Variants in PLEKHB2 observed in about 807,000 individuals in gnomAD.
PLEKHB2 encodes pleckstrin homology domain-containing family B member 2.
PLEKHB2 carries 31 observed loss-of-function variants against 36.5 expected under a neutral mutation model. The ratio of observed to expected loss-of-function variants is 0.85; its 90% CI spans 0.64 to 1.15. The LOEUF is 1.15. PLEKHB2 is among the 50% of genes most tolerant of loss of function. The pLI, the probability that PLEKHB2 is intolerant of heterozygous loss-of-function variation, is 0.00. For missense variants in PLEKHB2, 262 were observed against 295.3 expected, an observed-to-expected ratio of 0.89 and a Z score of 0.83; for synonymous variants, 119 against 112.0, an observed-to-expected ratio of 1.06 and a Z score of -0.39.
intron 7 of PLEKHB2, among the ~76,000 whole-genome samples, chr2:131,142,562 GTTTC>G (rs1698898732): frequency 6.8e-6 from 1 of 146,160 alleles, no homozygotes; most frequent in Non-Finnish European, 1.5e-5. Context: ...ATTAGAATAT[GTTTC>G]TTTTTTTTTC....
chr2:131,133,984 C>T (rs899432998), intron 6 of PLEKHB2, among the ~76,000 whole-genome samples: 14 of 150,302 alleles, frequency 9.3e-5, no homozygotes, highest in Admixed American at 2.7e-4. Context: ...ACTAAAAGCT[C>T]CGCCTCCTGG....
chr2:131,135,163 C>T (rs1698112357), intron 6 of PLEKHB2, among the ~76,000 whole-genome samples: 4 of 152,086 alleles, frequency 2.6e-5, no homozygotes. Flanking sequence ...CCTCCGCCTC[C>T]TGGGTTCAAG....
At chr2:131,145,026 T>A (rs955843863) in intron 7 of PLEKHB2, among the ~76,000 whole-genome samples, 7 of 152,242 alleles carry the variant, frequency 4.6e-5, no homozygotes, top group African/African-American at 1.7e-4. Flanking sequence ...AGATTTACGA[T>A]GGTTTCATTG....
In PLEKHB2 at chr2:131,146,862, T is replaced by C; in HGVS notation, c.*89T>C. 8.8e-7 allele frequency: 1 copy of C among 1,141,414 alleles called. No homozygotes were observed. The highest frequency in any genetic ancestry group is 1.2e-6 in the Non-Finnish European group (1 of 804,882). The allele number at this position is 1,141,414 out of a possible 1,614,324, so 70.7% of individuals were successfully genotyped here. The stretch of plus-strand genomic sequence containing the variant: ...GGCATTTCTGTTTGTGACAAAAGTT[T>C]TTAATAATAGTTTTAATCATTCCTT... On this transcript the variant is annotated 3_prime_UTR_variant, in exon 8 of 8. Coordinates refer to ENST00000693505, the MANE Select transcript of PLEKHB2 (RefSeq NM_001100623.2).
chr2:131,118,647 C>T (rs769971256), intron 1 of PLEKHB2, among the ~76,000 whole-genome samples: 1 of 151,544 alleles, frequency 6.6e-6, no homozygotes, highest in Non-Finnish European at 1.5e-5. Context: ...GGGCATATCA[C>T]GAGGTCAGGA....
intron 4 of PLEKHB2, among the ~76,000 whole-genome samples, chr2:131,129,654 G>A (rs1168246735): frequency 1.3e-5 from 1 of 79,012 alleles, no homozygotes; most frequent in Non-Finnish European, 3.5e-5. Context: ...ACAGGCATGT[G>A]CCACCACGCC....
At chr2:131,123,777 C>CT (rs1696796785) in intron 2 of PLEKHB2, among the ~76,000 whole-genome samples, 6 of 22,438 alleles carry the variant, frequency 2.7e-4, no homozygotes, top group African/African-American at 5.2e-4. Context: ...CCCCCCCCAC[C>CT]CCCCCCCCCG....
At position 131,110,549 on chromosome 2, in the gene PLEKHB2, AT is replaced by A. The variant is rs1409237152; in HGVS notation, c.-9+5158del. Among the ~76,000 whole-genome samples the A allele has an allele frequency of 4.6e-5, 7 of 151,906 alleles. No homozygotes were observed. In the South Asian group the frequency reaches 8.3e-4, roughly 18 times the overall value. On this transcript the variant is annotated intron_variant, in intron 1 of 7. Coordinates refer to ENST00000693505, the MANE Select transcript of PLEKHB2 (RefSeq NM_001100623.2). ...CACCACTATGTGCAGCTAACTTCTT[AT>A]TTTTTTGTTGAGAATGTCTCACTGT...
intron 1 of PLEKHB2, among the ~76,000 whole-genome samples, chr2:131,119,911 T>C (rs560948543): frequency 1.3e-5 from 2 of 152,280 alleles, no homozygotes; most frequent in Non-Finnish European, 2.9e-5. Flanking sequence ...TGTGTGAACT[T>C]TGTAAGTGAA....
intron 4 of PLEKHB2, among the ~76,000 whole-genome samples, chr2:131,130,411 A>G (rs35904592): frequency 0.019 from 2,874 of 152,326 alleles, 45 homozygotes; most frequent in Non-Finnish European, 0.033. Context: ...GGAATATTAT[A>G]TAGCTGGTAA....
intron 6 of PLEKHB2, among the ~76,000 whole-genome samples, chr2:131,137,157 C>T (rs998596910): frequency 6.6e-6 from 1 of 152,114 alleles, no homozygotes; most frequent in South Asian, 2.1e-4. Flanking sequence ...CTGTGTTAGC[C>T]AGGACGGTCT....
intron 1 of PLEKHB2, chr2:131,107,395 A>T (rs1403170860): frequency 6.6e-6 from 1 of 152,224 alleles, no homozygotes; most frequent in South Asian, 2.1e-4. Flanking sequence ...GAAATGGCCA[A>T]TGCCACGTGG....
chr2:131,133,042 C>A, intron 6 of PLEKHB2, 51 bp downstream of exon 6: 1 of 1,170,570 alleles, frequency 8.5e-7, no homozygotes, highest in Non-Finnish European at 1.3e-6. Flanking sequence ...GTCTCTGCTG[C>A]TGTCCTGCTT....
rs545081772 is a variant in PLEKHB2, at chr2:131,132,455, A to C, written c.334-447A>C. Among the ~76,000 whole-genome samples the C allele has an allele frequency of 3.5e-4, 54 of 152,208 alleles. 2 individuals carry two copies. The South Asian group carries it at 0.011, about 32-fold the overall frequency. Reference sequence around the variant, plus strand: ...CTGAGTAGCTGGGGCCATAAGCACCATGCCCAGTTAATTTCTTGTTTTTTG... The same window carrying C: ...CTGAGTAGCTGGGGCCATAAGCACCCTGCCCAGTTAATTTCTTGTTTTTTG... On this transcript the variant is annotated intron_variant, in intron 5 of 7. Transcript: ENST00000693505.
chr2:131,109,983 C>T (rs568817148), intron 1 of PLEKHB2, among the ~76,000 whole-genome samples: 7 of 150,470 alleles, frequency 4.7e-5, no homozygotes, highest in Admixed American at 1.3e-4. Flanking sequence ...GGTGTGGTGG[C>T]GGTTGCCTGT....
rs1699360610 is a variant in PLEKHB2, at chr2:131,147,176, GT to G, written c.*406del. The G allele has an allele frequency of 6.5e-6, 1 of 153,496 alleles. No individual in the cohort carries two copies. Among genetic ancestry groups the G allele is most frequent in the African/African-American group, 2.4e-5 (1 of 41,526 alleles). The allele number at this position is 153,496 out of a possible 1,614,324, so 9.5% of individuals were successfully genotyped here. ...GCAAGAAAAGCTACAGCTTCTTTGCGTTTAACTTTTTCAAACCACAGACCAG... is the reference window on the plus strand; with the variant it reads ...GCAAGAAAAGCTACAGCTTCTTTGCGTTAACTTTTTCAAACCACAGACCAG... On this transcript the variant is annotated 3_prime_UTR_variant, in exon 8 of 8. Transcript: ENST00000693505.
chr2:131,123,076 C>T (rs958840097), intron 2 of PLEKHB2, among the ~76,000 whole-genome samples: 6 of 152,186 alleles, frequency 3.9e-5, no homozygotes, highest in African/African-American at 7.2e-5. Flanking sequence ...CTCCCCATCA[C>T]GCCTAGCATG....
At chr2:131,130,382 A>G (rs560834366) in intron 4 of PLEKHB2, among the ~76,000 whole-genome samples, 267 of 152,232 alleles carry the variant, frequency 1.8e-3, no homozygotes, top group Non-Finnish European at 3.3e-3. Context: ...TGCTAATCTA[A>G]ATTTTTTACT....
chr2:131,132,823 A>G (rs1697844778), intron 5 of PLEKHB2, 79 bp from the exon 6 acceptor site: 1 of 773,488 alleles, frequency 1.3e-6, no homozygotes, highest in Non-Finnish European at 2.2e-6. Context: ...AATTTGCTAA[A>G]TAAAAGGGAC....
Sources: allele counts gnomAD v4.1 joint callset (sites outside exome capture counted in the v4.1 genomes callset), GRCh38; gene constraint gnomAD v4.1.1; transcripts MANE v1.5; gene names NCBI Gene and HGNC (gene_info 2026-07-23, HGNC 2026-07-21).